Variants in GRIN2B observed in about 807,000 individuals in gnomAD.
GRIN2B encodes the protein glutamate receptor ionotropic, NMDA 2B.
In GRIN2B, 5 loss-of-function variants were observed where a neutral mutation model predicts 114.5. The observed-to-expected ratio is 0.04, with a 90% confidence interval of 0.02 to 0.09. GRIN2B has a LOEUF of 0.09. Among genes scored for constraint, GRIN2B ranks in the 10% least tolerant of loss-of-function variants. The pLI is 1.00. For synonymous variants in GRIN2B, 787 were observed against 745.1 expected (o/e 1.06, Z -0.92); for missense variants, 1,108 against 1,943.5 (o/e 0.57, Z 8.08).
chr12:13,665,089 C>T (rs1949960376), intron 5 of GRIN2B, among the ~76,000 whole-genome samples: 1 of 152,012 alleles, frequency 6.6e-6, no homozygotes, highest in South Asian at 2.1e-4. Context: ...GTTCTTTCCT[C>T]ACAGTTTGAG....
At chr12:13,735,693 C>G (rs1325886581) in intron 4 of GRIN2B, among the ~76,000 whole-genome samples, 1 of 152,200 alleles carries the variant, frequency 6.6e-6, no homozygotes, top group Non-Finnish European at 1.5e-5. Flanking sequence ...CTGGGCATTA[C>G]AGGATCACGC....
At position 13,540,154 on chromosome 12, in the gene GRIN2B, C is replaced by G. The variant is rs1041751120; in HGVS notation, c.*22629G>C. ...GAAACCAACTGGGCAAGGGGTTTTT[C>G]CCAAACAGCACTTTTAACAATCTTT... On this transcript the variant is annotated 3_prime_UTR_variant, in exon 14 of 14. Transcript: ENST00000609686. 2.6e-5 allele frequency: 4 copies of G among 152,126 alleles called. No homozygotes were observed. The highest frequency in any genetic ancestry group is 2.6e-4 in the Admixed American group (4 of 15,274). 9.4% of individuals were successfully genotyped at this position (152,126 alleles called of 1,614,324 possible).
intron 3 of GRIN2B, among the ~76,000 whole-genome samples, chr12:13,837,273 C>T (rs1865287561): frequency 6.6e-6 from 1 of 152,334 alleles, no homozygotes; most frequent in East Asian, 1.9e-4. Context: ...TCTCCTCCAA[C>T]CAAGAGCAGA....
intron 2 of GRIN2B, among the ~76,000 whole-genome samples, chr12:13,945,042 A>C (rs1471983813): frequency 6.6e-6 from 1 of 152,214 alleles, no homozygotes; most frequent in Non-Finnish European, 1.5e-5. Context: ...ACAGCTAGAA[A>C]AATAAATTAC....
At chr12:13,589,604 T>A (rs1028003855) in intron 10 of GRIN2B, among the ~76,000 whole-genome samples, 1 of 152,230 alleles carries the variant, frequency 6.6e-6, no homozygotes, top group African/African-American at 2.4e-5. Flanking sequence ...ATCTATCTGA[T>A]GAATGAATAA....
chr12:13,613,336 A>T (rs998503525), intron 8 of GRIN2B, among the ~76,000 whole-genome samples: 11 of 152,184 alleles, frequency 7.2e-5, no homozygotes, highest in Non-Finnish European at 1.2e-4. Context: ...TGGTCTTTAC[A>T]ATTTAGAAAC....
chr12:13,826,862 A>T (rs1865045523), intron 3 of GRIN2B, among the ~76,000 whole-genome samples: 1 of 152,092 alleles, frequency 6.6e-6, no homozygotes, highest in African/African-American at 2.4e-5. Context: ...TTTTGCCTGA[A>T]AAACGTTAAT....
chr12:13,780,388 A>G (rs547476839), intron 3 of GRIN2B, among the ~76,000 whole-genome samples: 1 of 152,336 alleles, frequency 6.6e-6, no homozygotes, highest in South Asian at 2.1e-4. Flanking sequence ...CACGTTCATT[A>G]TAATTTACCC....
intron 3 of GRIN2B, among the ~76,000 whole-genome samples, chr12:13,800,623 A>C (rs1864492255): frequency 6.6e-6 from 1 of 152,196 alleles, no homozygotes; most frequent in Non-Finnish European, 1.5e-5. Context: ...ACAAGCACAG[A>C]AATTATGAGA....
intron 2 of GRIN2B, among the ~76,000 whole-genome samples, chr12:13,950,373 A>T (rs1410395632): frequency 6.6e-6 from 1 of 152,210 alleles, no homozygotes; most frequent in African/African-American, 2.4e-5. Context: ...CATGCCTTCA[A>T]ATCCCAGTTT....
chr12:13,795,568 C>T (rs150588461), intron 3 of GRIN2B, among the ~76,000 whole-genome samples: 107 of 152,272 alleles, frequency 7.0e-4, no homozygotes, highest in Non-Finnish European at 1.3e-3. Flanking sequence ...TTTGACCCAG[C>T]GATCCCATTA....
At chr12:13,758,506 A>T (rs1164809161) in intron 3 of GRIN2B, among the ~76,000 whole-genome samples, 1 of 152,242 alleles carries the variant, frequency 6.6e-6, no homozygotes, top group African/African-American at 2.4e-5. Flanking sequence ...ATTAAAAGGC[A>T]TTATTGGGCT....
At chr12:13,790,605 G>T (rs1001669453) in intron 3 of GRIN2B, among the ~76,000 whole-genome samples, 3 of 152,128 alleles carry the variant, frequency 2.0e-5, no homozygotes, top group African/African-American at 7.2e-5. Context: ...TGGGGTAATT[G>T]CATTTTATAA....
At chr12:13,878,603 G>A (rs960349572) in intron 2 of GRIN2B, among the ~76,000 whole-genome samples, 1 of 152,170 alleles carries the variant, frequency 6.6e-6, no homozygotes, top group Non-Finnish European at 1.5e-5. Context: ...TAATACCTAT[G>A]AGGCTTTCTT....
intron 10 of GRIN2B, among the ~76,000 whole-genome samples, chr12:13,599,233 T>C (rs1949119817): frequency 1.3e-5 from 2 of 152,160 alleles, no homozygotes; most frequent in South Asian, 4.1e-4. Flanking sequence ...AACTAAATGG[T>C]TGGGCTTCCC....
intron 3 of GRIN2B, among the ~76,000 whole-genome samples, chr12:13,773,380 C>T (rs1381391908): frequency 2.0e-5 from 3 of 152,190 alleles, no homozygotes; most frequent in African/African-American, 7.2e-5. Context: ...CAGAGCTACG[C>T]ATCTGTCAAA....
intron 2 of GRIN2B, among the ~76,000 whole-genome samples, chr12:13,926,181 G>A (rs915855191): frequency 2.0e-5 from 3 of 152,086 alleles, no homozygotes; most frequent in Non-Finnish European, 2.9e-5. Flanking sequence ...AGAAGGTGTC[G>A]GAGATGGACA....
At chr12:13,879,733 G>A (rs759460685) in intron 2 of GRIN2B, among the ~76,000 whole-genome samples, 5 of 152,202 alleles carry the variant, frequency 3.3e-5, no homozygotes, top group South Asian at 2.1e-4. Flanking sequence ...GGGACAGGCC[G>A]GTACAGTCAG....
Position 13,663,013 on chromosome 12 carries a change from CT to C in GRIN2B, c.1125+12731del, listed in dbSNP as rs201673675. On this transcript the variant is annotated intron_variant, in intron 5 of 13. Transcript: ENST00000609686. ...GTTTTATAGGTCAAAACTCAGATTA[CT>C]GGGCCTCATCCCTAGAGCTTCTGGT... is the stretch of plus-strand genomic sequence containing the variant. 5.6e-3 allele frequency among the ~76,000 whole-genome samples: 848 copies of C among 152,288 alleles called. 9 individuals are homozygous for C. Among genetic ancestry groups the C allele is most frequent in the African/African-American group, 0.019 (789 of 41,568 alleles).
Sources: allele counts gnomAD v4.1 joint callset (sites outside exome capture counted in the v4.1 genomes callset), GRCh38; gene constraint gnomAD v4.1.1; transcripts MANE v1.5; gene names NCBI Gene and HGNC (gene_info 2026-07-23, HGNC 2026-07-21).